The following GRIN2A variants were observed in gnomAD, a reference collection of about 807,000 sequenced individuals.
GRIN2A encodes the protein glutamate receptor ionotropic, NMDA 2A.
Under a neutral mutation model 113.4 loss-of-function variants are expected in GRIN2A, and 22 were observed. The ratio of observed to expected loss-of-function variants is 0.19; its 90% CI spans 0.14 to 0.28. The LOEUF (loss-of-function observed/expected upper bound fraction) is 0.28, where lower values mean the gene tolerates loss of function less well. Among genes scored for constraint, GRIN2A ranks in the 10% least tolerant of loss-of-function variants. The pLI is 1.00. For synonymous variants in GRIN2A, 827 were observed against 738.4 expected (o/e 1.12, Z -1.94); for missense variants, 1,502 against 1,887.0 (o/e 0.80, Z 3.78).
intron 2 of GRIN2A, among the ~76,000 whole-genome samples, chr16:9,984,470 G>A (rs1045684263): frequency 6.6e-6 from 1 of 152,110 alleles, no homozygotes; most frequent in African/African-American, 2.4e-5. Flanking sequence ...TCTTCTAGCA[G>A]TTTCACAGTT....
chr16:9,968,311 T>C (rs2045600642), intron 2 of GRIN2A, among the ~76,000 whole-genome samples: 1 of 147,450 alleles, frequency 6.8e-6, no homozygotes, highest in African/African-American at 2.5e-5. Context: ...TATGTATACA[T>C]GTACGTATGT....
intron 2 of GRIN2A, among the ~76,000 whole-genome samples, chr16:9,986,782 A>AAAG (rs1567218288): frequency 6.6e-6 from 1 of 151,292 alleles, no homozygotes; most frequent in Non-Finnish European, 1.5e-5. Context: ...AAAAAAAAAA[A>AAAG]AAGAAGAAAA....
At chr16:10,091,940 G>A (rs1413718811) in intron 2 of GRIN2A, among the ~76,000 whole-genome samples, 1 of 152,166 alleles carries the variant, frequency 6.6e-6, no homozygotes. Flanking sequence ...TATTTGGGGT[G>A]ATGGTTGCAA....
At chr16:10,029,287 C>T (rs2046884395) in intron 2 of GRIN2A, among the ~76,000 whole-genome samples, 1 of 152,090 alleles carries the variant, frequency 6.6e-6, no homozygotes, top group Admixed American at 6.5e-5. Flanking sequence ...CTCCGCCTTC[C>T]AGGTTCAAGG....
intron 2 of GRIN2A, among the ~76,000 whole-genome samples, chr16:10,022,785 C>A (rs2046749982): frequency 6.6e-6 from 1 of 152,152 alleles, no homozygotes; most frequent in African/African-American, 2.4e-5. Context: ...AATGAACAAC[C>A]ACTTAATAAG....
intron 2 of GRIN2A, among the ~76,000 whole-genome samples, chr16:10,072,624 TG>T (rs572343409): frequency 1.1e-4 from 16 of 152,100 alleles, no homozygotes; most frequent in Non-Finnish European, 1.9e-4. Flanking sequence ...TAAGTTTGGG[TG>T]GGTAGGCTTC....
intron 2 of GRIN2A, among the ~76,000 whole-genome samples, chr16:10,039,765 G>GGAGGGAGAGGGAGGGGGA (rs1287861894): frequency 1.8e-5 from 2 of 112,904 alleles, no homozygotes; most frequent in Non-Finnish European, 3.9e-5. Context: ...AATGTGCAAG[G>GGAGGGAGAGGGAGGGGGA]GAGGGAGAGG....
At chr16:10,057,734 T>G (rs963561547) in intron 2 of GRIN2A, among the ~76,000 whole-genome samples, 15 of 152,194 alleles carry the variant, frequency 9.9e-5, no homozygotes, top group Admixed American at 7.9e-4. Flanking sequence ...GGGAGTCCAC[T>G]GAAGACTGCA....
intron 11 of GRIN2A, among the ~76,000 whole-genome samples, chr16:9,782,658 T>C (rs1238811854): frequency 2.6e-5 from 4 of 152,228 alleles, no homozygotes. Flanking sequence ...GGGCCTGGCA[T>C]GCTGACCTTG....
At chr16:10,172,545 C>A (rs1442084005) in intron 2 of GRIN2A, among the ~76,000 whole-genome samples, 1 of 152,144 alleles carries the variant, frequency 6.6e-6, no homozygotes, top group Non-Finnish European at 1.5e-5. Context: ...AGTGAAGTGA[C>A]TTTGGGGAAT....
chr16:9,985,491 T>A (rs2045963653), intron 2 of GRIN2A, among the ~76,000 whole-genome samples: 1 of 152,132 alleles, frequency 6.6e-6, no homozygotes, highest in Admixed American at 6.5e-5. Flanking sequence ...ATATACACAA[T>A]GGAGTACTGT....
intron 2 of GRIN2A, among the ~76,000 whole-genome samples, chr16:10,039,171 T>G (rs1443825218): frequency 6.6e-6 from 1 of 151,686 alleles, no homozygotes; most frequent in African/African-American, 2.4e-5. Flanking sequence ...ATCAACTAGA[T>G]GATAGACAGT....
chr16:9,971,153 T>G (rs907439283), intron 2 of GRIN2A, among the ~76,000 whole-genome samples: 9 of 152,206 alleles, frequency 5.9e-5, no homozygotes. Context: ...CTGTTATTCT[T>G]CCCATTGACA....
chr16:10,075,814 G>A (rs28574279), intron 2 of GRIN2A, among the ~76,000 whole-genome samples: 14,471 of 152,134 alleles, frequency 0.095, 767 homozygotes, highest in African/African-American at 0.11. Flanking sequence ...GCCTCTAGCT[G>A]CTCTAAATAT....
chr16:10,179,738 T>A (rs1407132206), intron 2 of GRIN2A: 1 of 533,414 alleles, frequency 1.9e-6, no homozygotes, highest in African/African-American at 1.9e-5. Context: ...ACTTCTCAGT[T>A]TTCTGAGCGC....
At chr16:9,815,031 A>G (rs928946497) in intron 10 of GRIN2A, among the ~76,000 whole-genome samples, 5 of 152,232 alleles carry the variant, frequency 3.3e-5, no homozygotes, top group African/African-American at 1.2e-4. Context: ...CAAAAAAAAA[A>G]AAAAAAAAAG....
chr16:10,145,902 C>A (rs1395515691), intron 2 of GRIN2A, among the ~76,000 whole-genome samples: 1 of 152,154 alleles, frequency 6.6e-6, no homozygotes, highest in East Asian at 1.9e-4. Flanking sequence ...CTTGATATGG[C>A]AAAATCCAGG....
At chr16:10,025,078 G>A (rs2046794835) in intron 2 of GRIN2A, among the ~76,000 whole-genome samples, 1 of 152,002 alleles carries the variant, frequency 6.6e-6, no homozygotes, top group South Asian at 2.1e-4. Flanking sequence ...GAGATGAGAG[G>A]AGATGGAGAG....
At chr16:10,181,199 G>T in intron 1 of GRIN2A, among the ~76,000 whole-genome samples, 1 of 12,944 alleles carries the variant, frequency 7.7e-5, no homozygotes, top group South Asian at 2.3e-3. Context: ...ACACACACGT[G>T]CACACACACA....
Sources: allele counts gnomAD v4.1 joint callset (sites outside exome capture counted in the v4.1 genomes callset), GRCh38; gene constraint gnomAD v4.1.1; transcripts MANE v1.5; gene names NCBI Gene and HGNC (gene_info 2026-07-23, HGNC 2026-07-21).